The following RIMBP2 variants were observed in gnomAD, a reference collection of about 807,000 sequenced individuals.
RIMBP2 encodes RIMS-binding protein 2.
Under a neutral mutation model 118.6 loss-of-function variants are expected in RIMBP2, and 48 were observed. The ratio of observed to expected loss-of-function variants is 0.40; its 90% CI spans 0.32 to 0.51. The LOEUF (loss-of-function observed/expected upper bound fraction) is 0.51, where lower values mean the gene tolerates loss of function less well. Among genes scored for constraint, RIMBP2 ranks in the 20% least tolerant of loss-of-function variants. The pLI, the probability that RIMBP2 is intolerant of heterozygous loss-of-function variation, is 0.41. For missense variants in RIMBP2, 1,551 were observed against 1,768.3 expected (o/e 0.88, Z 2.20); for synonymous variants, 762 against 742.9 (o/e 1.03, Z -0.42).
Position 130,431,337 on chromosome 12 carries a change from A to G in RIMBP2, c.2254-3000T>C. 1 of 308,632 alleles carries G rather than the reference A, an allele frequency of 3.2e-6. No homozygotes were observed. Among genetic ancestry groups the G allele is most frequent in the Non-Finnish European group, 7.1e-6 (1 of 141,786 alleles). 19.1% of individuals were successfully genotyped at this position (308,632 alleles called of 1,614,324 possible). ...TGTGACGGGGCGGGCAGCATGGGGA[A>G]GCGGATGGTCAGGGAACACTTCCCG... On this transcript the variant is annotated intron_variant, in intron 14 of 22. Transcript: ENST00000690449. The surrounding 1 kb of genome is among the most constrained non-coding windows in gnomAD (Gnocchi z 4.0).
chr12:130,543,895 C>G (rs776430707), intron 2 of RIMBP2, among the ~76,000 whole-genome samples: 2 of 152,186 alleles, frequency 1.3e-5, no homozygotes, highest in Non-Finnish European at 2.9e-5. Context: ...GAAACCTGTC[C>G]TGCTAGGCAC....
At chr12:130,501,343 C>T (rs890479888) in intron 4 of RIMBP2, among the ~76,000 whole-genome samples, 1 of 152,124 alleles carries the variant, frequency 6.6e-6, no homozygotes, top group African/African-American at 2.4e-5. Context: ...GCCAGATGCA[C>T]CTCCTCTCTC....
Position 130,512,115 on chromosome 12 carries a change from G to A in RIMBP2, c.-126-5345C>T, listed in dbSNP as rs577997222. 5.3e-5 allele frequency among the ~76,000 whole-genome samples: 8 copies of A among 152,298 alleles called. No homozygotes were observed. The South Asian group carries it at 6.2e-4, about 12-fold the overall frequency. On this transcript the variant is annotated intron_variant, in intron 3 of 22. Transcript: ENST00000690449. ...AAACACGATAAATATTGGCTCCCAC[G>A]GGCCACTCAAATGCTGGCGCCTGGG...
intron 2 of RIMBP2, among the ~76,000 whole-genome samples, chr12:130,529,654 C>T (rs1286965475): frequency 1.3e-5 from 2 of 152,156 alleles, no homozygotes; most frequent in African/African-American, 4.8e-5. Context: ...AAAGATACCA[C>T]CCAACCTCCC....
intron 11 of RIMBP2, among the ~76,000 whole-genome samples, chr12:130,441,420 A>C (rs558682043): frequency 3.2e-4 from 45 of 141,428 alleles, no homozygotes; most frequent in East Asian, 1.8e-3. Context: ...TAATAATAAT[A>C]ATAATAATAA....
intron 7 of RIMBP2, among the ~76,000 whole-genome samples, chr12:130,452,647 T>C (rs920623461): frequency 4.6e-5 from 7 of 151,848 alleles, no homozygotes; most frequent in African/African-American, 1.7e-4. Flanking sequence ...TTGAGGGGAG[T>C]GGCAGGCTCC....
rs73159177 is a variant in RIMBP2 at position 130,664,760 on chromosome 12, G to A, written c.-351-36304C>T. Among the ~76,000 whole-genome samples the A allele has an allele frequency of 6.2e-3, 948 of 151,870 alleles. 14 individuals are homozygous for A. The highest frequency in any genetic ancestry group is 0.024 in the Middle Eastern group (7 of 294). ...GGGAACCAGCTTTGAAGGAGCTCCCGCTGACCTTTCAATTTCAGCTTTAAA... is the reference window on the plus strand; with the variant it reads ...GGGAACCAGCTTTGAAGGAGCTCCCACTGACCTTTCAATTTCAGCTTTAAA... On this transcript the variant is annotated intron_variant, in intron 1 of 22. Coordinates refer to ENST00000690449, the MANE Select transcript of RIMBP2 (RefSeq NM_001393629.1).
At chr12:130,658,019 G>C (rs2136317659) in intron 1 of RIMBP2, 1 of 152,460 alleles carries the variant, frequency 6.6e-6, no homozygotes, top group South Asian at 2.1e-4. Flanking sequence ...GTTCAGCAAC[G>C]TGACGCTGCC....
chr12:130,665,251 AC>A (rs2063866311), intron 1 of RIMBP2, among the ~76,000 whole-genome samples: 1 of 151,212 alleles, frequency 6.6e-6, no homozygotes. Context: ...AAAACACAAC[AC>A]CCCAGCTCAT....
At chr12:130,559,504 T>C (rs1228312955) in intron 2 of RIMBP2, among the ~76,000 whole-genome samples, 1 of 152,210 alleles carries the variant, frequency 6.6e-6, no homozygotes, top group African/African-American at 2.4e-5. Context: ...TTCCTTCTTT[T>C]CATGGCTGAA....
chr12:130,556,767 C>A (rs926736009), intron 2 of RIMBP2, among the ~76,000 whole-genome samples: 3 of 152,218 alleles, frequency 2.0e-5, no homozygotes, highest in African/African-American at 4.8e-5. Flanking sequence ...ACAGCTAGAG[C>A]CCAAGTATGC....
intron 2 of RIMBP2, among the ~76,000 whole-genome samples, chr12:130,592,674 G>C (rs1250308873): frequency 1.0e-5 from 1 of 99,788 alleles, no homozygotes; most frequent in Non-Finnish European, 2.1e-5. Context: ...GGGCAATAGA[G>C]ACTCTGTCAA....
At chr12:130,482,747 G>A (rs1271517738) in intron 4 of RIMBP2, among the ~76,000 whole-genome samples, 3 of 150,162 alleles carry the variant, frequency 2.0e-5, no homozygotes, top group African/African-American at 7.3e-5. Flanking sequence ...CACCCATTGT[G>A]TGTGTACATG....
At chr12:130,607,052 G>A (rs990902229) in intron 2 of RIMBP2, among the ~76,000 whole-genome samples, 21 of 151,856 alleles carry the variant, frequency 1.4e-4, no homozygotes, top group African/African-American at 4.6e-4. Flanking sequence ...GGCTGGTCTC[G>A]AACTCCTGAC....
intron 1 of RIMBP2, among the ~76,000 whole-genome samples, chr12:130,635,330 G>T (rs938221604): frequency 1.3e-5 from 2 of 152,202 alleles, no homozygotes; most frequent in Non-Finnish European, 2.9e-5. Flanking sequence ...ACCCAGGAGA[G>T]CATCCGGCCA....
Position 130,437,009 on chromosome 12 carries a change from C to G in RIMBP2, c.1939G>C (p.Ala647Pro). 6.2e-7 allele frequency: 1 copy of G among 1,601,360 alleles called. No individual in the cohort carries two copies. Among genetic ancestry groups the G allele is most frequent in the Non-Finnish European group, 8.5e-7 (1 of 1,173,184 alleles). ...RMDEAWEQSRAPGPVHGHMLE... is the reference protein window; with the variant it reads ...RMDEAWEQSRPPGPVHGHMLE... The stretch of plus-strand genomic sequence containing the variant: ...ATGTGCCCATGCACAGGGCCAGGTG[C>G]ACGGCTCTGCTCCCAGGCCTCATCC... The change falls in exon 13 of 23, where the codon GCA becomes CCA. Residue 647 changes from alanine to proline, a missense_variant. Coordinates refer to ENST00000690449, the MANE Select transcript of RIMBP2 (RefSeq NM_001393629.1).
chr12:130,451,401 T>C (rs1484077789), intron 7 of RIMBP2, 61 bp from the exon 8 acceptor site: 2 of 1,537,566 alleles, frequency 1.3e-6, no homozygotes, highest in African/African-American at 2.7e-5. Flanking sequence ...CAAAGCACGT[T>C]GGTCATGCGC....
Position 130,683,653 on chromosome 12 carries a change from G to A in RIMBP2, c.-352+32569C>T, listed in dbSNP as rs557770795. 1.3e-4 allele frequency among the ~76,000 whole-genome samples: 20 copies of A among 152,186 alleles called. No homozygotes were observed. The South Asian group carries it at 1.9e-3, about 14-fold the overall frequency. On this transcript the variant is annotated intron_variant, in intron 1 of 22. Coordinates refer to ENST00000690449, the MANE Select transcript of RIMBP2 (RefSeq NM_001393629.1). This position sits in a 1 kb window ranked among gnomAD's most constrained non-coding sequence, Gnocchi z 4.4. ...ATAAAACAGTTGCAGTAAACAAGCC[G>A]GCCAAATCCCACCAAAACCAAGATG... is the stretch of plus-strand genomic sequence containing the variant.
chr12:130,530,524 C>T (rs1365638280), intron 2 of RIMBP2, among the ~76,000 whole-genome samples: 1 of 152,086 alleles, frequency 6.6e-6, no homozygotes, highest in African/African-American at 2.4e-5. Context: ...AAACCTTATA[C>T]CAGGAAATCA....
Sources: gnomAD v4.1 joint callset for allele counts (sites outside exome capture counted in the v4.1 genomes callset) on GRCh38, gnomAD v4.1.1 for gene constraint, Gnocchi (gnomAD v3.1) non-coding constraint, MANE v1.5 for transcripts, NCBI Gene and HGNC (gene_info 2026-07-23, HGNC 2026-07-21) for gene names.